Variants in STC1 observed in about 807,000 individuals in gnomAD.
STC1 encodes stanniocalcin 1, also known as stanniocalcin-1.
STC1 carries 7 observed loss-of-function variants against 22.6 expected under a neutral mutation model. That is an observed-to-expected ratio of 0.31 (90% CI 0.18 to 0.58). STC1 has a LOEUF of 0.58. Ranked by LOEUF, STC1 falls within the 20% of genes least tolerant of loss-of-function variation. STC1 has a pLI of 0.89. For missense variants in STC1, 224 were observed against 311.0 expected (o/e 0.72, Z 2.10); for synonymous variants, 113 against 120.7 (o/e 0.94, Z 0.42).
Position 23,844,646 on chromosome 8 carries a change from A to T in STC1, c.*124T>A. On this transcript the variant is annotated 3_prime_UTR_variant, in exon 4 of 4. Transcript: ENST00000290271. ...AGCCTAGTTTCATGCAATTTTCTTT[A>T]AGGGGGATAGAAAATAGGAACTACT... 1 of 1,126,690 alleles carries T rather than the reference A, an allele frequency of 8.9e-7. No individual in the cohort carries two copies. The highest frequency in any genetic ancestry group is 1.2e-6 in the Non-Finnish European group (1 of 809,050). The allele number at this position is 1,126,690 out of a possible 1,614,324, so 69.8% of individuals were successfully genotyped here.
At chr8:23,852,111 G>A (rs1802645258) in intron 2 of STC1, 131 bp downstream of exon 2, 2 of 1,046,932 alleles carry the variant, frequency 1.9e-6, no homozygotes, top group Admixed American at 4.1e-5. Flanking sequence ...TACACATGCT[G>A]AGATGGGAAT....
At chr8:23,850,801 G>A (rs907590373) in intron 3 of STC1, among the ~76,000 whole-genome samples, 1 of 152,092 alleles carries the variant, frequency 6.6e-6, no homozygotes, top group African/African-American at 2.4e-5. Flanking sequence ...TGAGCCCCAG[G>A]GAAGTGAGAT....
intron 3 of STC1, among the ~76,000 whole-genome samples, chr8:23,846,909 A>G (rs1405913843): frequency 6.6e-6 from 1 of 152,178 alleles, no homozygotes; most frequent in Non-Finnish European, 1.5e-5. Context: ...TCTGACATCT[A>G]CACACCCATA....
At chr8:23,849,154 G>A (rs1488306132) in intron 3 of STC1, among the ~76,000 whole-genome samples, 1 of 152,222 alleles carries the variant, frequency 6.6e-6, no homozygotes, top group Non-Finnish European at 1.5e-5. Flanking sequence ...TAAGTCACAG[G>A]AAGGTGGAAT....
At chr8:23,847,214 T>A (rs888237931) in intron 3 of STC1, among the ~76,000 whole-genome samples, 1 of 152,244 alleles carries the variant, frequency 6.6e-6, no homozygotes, top group African/African-American at 2.4e-5. Context: ...AGAAGTCTAG[T>A]ACCCTTAAGG....
intron 3 of STC1, among the ~76,000 whole-genome samples, chr8:23,849,709 T>C (rs1401254198): frequency 2.0e-5 from 3 of 152,174 alleles, no homozygotes; most frequent in Non-Finnish European, 4.4e-5. Context: ...TAGATCATGA[T>C]TTGTCACAGA....
At chr8:23,850,186 G>A (rs1563342762) in intron 3 of STC1, among the ~76,000 whole-genome samples, 2 of 152,340 alleles carry the variant, frequency 1.3e-5, no homozygotes, top group South Asian at 2.1e-4. Context: ...TTTGTTGCAT[G>A]TATGTACATG....
In STC1 at chr8:23,854,732, T is replaced by TGCTGCTGCTGCCACCGCC; in HGVS notation, c.-227_-210dup. 1 of 658,546 alleles carries TGCTGCTGCTGCCACCGCC rather than the reference T, an allele frequency of 1.5e-6. No homozygotes were observed. The highest frequency in any genetic ancestry group is 2.8e-6 in the Non-Finnish European group (1 of 355,242). The allele number at this position is 658,546 out of a possible 1,614,324, so 40.8% of individuals were successfully genotyped here. A position where few individuals can be genotyped will look rare whatever the true frequency, so the allele number is the denominator to read the frequency against. ...CTGCTGCTGCTGCTGCCGCCGCTGCTGCTGCTGCTGCCACCGCCGCTGCTG... is the reference window on the plus strand; with the variant it reads ...CTGCTGCTGCTGCTGCCGCCGCTGCTGCTGCTGCTGCCACCGCCGCTGCTGCTGCCACCGCCGCTGCTG... On this transcript the variant is annotated 5_prime_UTR_variant, in exon 1 of 4. Coordinates refer to ENST00000290271, the MANE Select transcript of STC1 (RefSeq NM_003155.3).
chr8:23,846,010 G>A (rs758505651), intron 3 of STC1, among the ~76,000 whole-genome samples: 12 of 152,146 alleles, frequency 7.9e-5, no homozygotes, highest in African/African-American at 1.9e-4. Context: ...CGGTGCCATC[G>A]TGCTACATTG....
At chr8:23,851,121 A>T (rs1037319730) in intron 3 of STC1, among the ~76,000 whole-genome samples, 199 bp downstream of exon 3, 1 of 152,020 alleles carries the variant, frequency 6.6e-6, no homozygotes, top group Non-Finnish European at 1.5e-5. Context: ...TTCCTATAAC[A>T]GTAGGGAAAA....
At chr8:23,854,021 C>T in intron 1 of STC1, 1 of 1,031,482 alleles carries the variant, frequency 9.7e-7, no homozygotes, top group South Asian at 3.9e-5. Context: ...GGAAGAGGGA[C>T]AGCATCAAAC....
chr8:23,848,529 C>CAAAAA (rs796433655), intron 3 of STC1, among the ~76,000 whole-genome samples: 11 of 63,610 alleles, frequency 1.7e-4, no homozygotes, highest in Non-Finnish European at 2.1e-4. Context: ...GATACTCTGT[C>CAAAAA]AAAAAAAAAA....
rs1160712471 is a variant in STC1 at position 23,854,136 on chromosome 8, G to C, written c.118+270C>G. 1.5e-5 allele frequency: 19 copies of C among 1,278,764 alleles called. No individual in the cohort carries two copies. The East Asian group carries it at 2.0e-4, about 13-fold the overall frequency. The allele number at this position is 1,278,764 out of a possible 1,614,324, so 79.2% of individuals were successfully genotyped here. A position where few individuals can be genotyped will look rare whatever the true frequency, so the allele number is the denominator to read the frequency against. ...CCCTCTCACCCCTCCCCCTCCAAGAGGGTACGTGCCAGATTTCAGGCAATC... is the reference window on the plus strand; with the variant it reads ...CCCTCTCACCCCTCCCCCTCCAAGACGGTACGTGCCAGATTTCAGGCAATC... On this transcript the variant is annotated intron_variant, in intron 1 of 3. Coordinates refer to ENST00000290271, the MANE Select transcript of STC1 (RefSeq NM_003155.3).
chr8:23,854,266 G>A (rs530252642), intron 1 of STC1, 140 bp downstream of exon 1: 1 of 947,130 alleles, frequency 1.1e-6, no homozygotes, highest in South Asian at 1.6e-5. Flanking sequence ...AAGGCTATTG[G>A]ATTACACTGG....
chr8:23,844,602 T>C lies in STC1; in HGVS notation c.*168A>G, dbSNP rs1585304649. On this transcript the variant is annotated 3_prime_UTR_variant, in exon 4 of 4. Coordinates refer to ENST00000290271, the MANE Select transcript of STC1 (RefSeq NM_003155.3). ...GTGGGAATGCTGCCATTGCAGAATG[T>C]TGGGATATTGATTACAGAAGCCTAG... 1 of 740,496 alleles carries C rather than the reference T, an allele frequency of 1.4e-6. No homozygotes were observed. The highest frequency in any genetic ancestry group is 2.0e-5 in the South Asian group (1 of 51,052). The allele number at this position is 740,496 out of a possible 1,614,324, so 45.9% of individuals were successfully genotyped here.
chr8:23,851,826 A>G (rs1254443416), intron 2 of STC1, among the ~76,000 whole-genome samples: 1 of 152,180 alleles, frequency 6.6e-6, no homozygotes, highest in African/African-American at 2.4e-5. Flanking sequence ...CTGACTTCAT[A>G]TTCTTGAGAT....
chr8:23,846,905 A>G (rs724582), intron 3 of STC1, among the ~76,000 whole-genome samples: 25,898 of 152,182 alleles, frequency 0.17, 2,349 homozygotes, highest in Admixed American at 0.21. Flanking sequence ...AGCTTCTGAC[A>G]TCTACACACC....
At chr8:23,852,514 G>T (rs865959334) in intron 1 of STC1, 130 bp from the exon 2 acceptor site, 2 of 921,718 alleles carry the variant, frequency 2.2e-6, no homozygotes, top group South Asian at 3.5e-5. Flanking sequence ...GTCATGAGGG[G>T]CAATTGATAG....
chr8:23,848,630 G>A (rs1802601328), intron 3 of STC1, among the ~76,000 whole-genome samples: 1 of 149,834 alleles, frequency 6.7e-6, no homozygotes, highest in African/African-American at 2.4e-5. Context: ...TGGACTAAGT[G>A]TTCTGATCAC....
Sources: allele counts gnomAD v4.1 joint callset (sites outside exome capture counted in the v4.1 genomes callset), GRCh38; gene constraint gnomAD v4.1.1; transcripts MANE v1.5; gene names NCBI Gene and HGNC (gene_info 2026-07-23, HGNC 2026-07-21).